PCDHGB7: variants seen among roughly 807,000 people sequenced by gnomAD.
The protein encoded by PCDHGB7 is protocadherin gamma subfamily B, 7, also known as protocadherin gamma-B7.
A neutral mutation model predicts 61.4 loss-of-function variants in PCDHGB7; 37 were observed. The observed-to-expected ratio is 0.60, with a 90% confidence interval of 0.46 to 0.79. The LOEUF (loss-of-function observed/expected upper bound fraction) is 0.79. Among genes scored for constraint, PCDHGB7 ranks in the 30% least tolerant of loss-of-function variants. The probability of loss-of-function intolerance (pLI) is 0.00; values close to 1 mark genes in which losing one functional copy is unlikely to be tolerated. For synonymous variants in PCDHGB7, 464 were observed against 503.5 expected (o/e 0.92, Z 1.05); for missense variants, 1,166 against 1,202.5 (o/e 0.97, Z 0.45).
chr5:141,457,118 A>G (rs1427146922), intron 1 of PCDHGB7, among the ~76,000 whole-genome samples: 3 of 152,228 alleles, frequency 2.0e-5, no homozygotes, highest in Non-Finnish European at 4.4e-5. Context: ...TACGACAGCA[A>G]TGGAAACTCT....
At position 141,490,124 on chromosome 5, in the gene PCDHGB7, T is replaced by C. The variant is rs1216088470; in HGVS notation, c.2416-4683T>C. On this transcript the variant is annotated intron_variant, in intron 1 of 3. Transcript: ENST00000398594. The surrounding 1 kb of genome is among the most constrained non-coding windows in gnomAD (Gnocchi z 5.4). ...GAGGCAGTGCGGAACCTCTTTGGCCTAGACCCTAGCAGTGGGGCAATCCAT... is the reference window on the plus strand; with the variant it reads ...GAGGCAGTGCGGAACCTCTTTGGCCCAGACCCTAGCAGTGGGGCAATCCAT... 6.2e-7 allele frequency: 1 copy of C among 1,614,144 alleles called. No individual in the cohort carries two copies. Among genetic ancestry groups the C allele is most frequent in the Non-Finnish European group, 8.5e-7 (1 of 1,180,054 alleles).
In PCDHGB7 at chr5:141,419,638, C is replaced by T. The variant is rs191182165; in HGVS notation, c.1779C>T (p.Ala593=). Residue 593 remains alanine, a synonymous_variant, in exon 1 of 4, where the codon GCC becomes GCT. Coordinates refer to ENST00000398594, the MANE Select transcript of PCDHGB7 (RefSeq NM_018927.4). The part of the protein sequence containing the change: ...QPGYLVTKVV[A]VDADSGHNAW... Reference sequence around the variant, plus strand: ...GCTACCTGGTGACCAAGGTGGTGGCCGTGGACGCGGACTCGGGGCACAATG... The same window carrying T: ...GCTACCTGGTGACCAAGGTGGTGGCTGTGGACGCGGACTCGGGGCACAATG... The T allele has an allele frequency of 4.9e-3, 7,979 of 1,612,456 alleles. 44 individuals are homozygous for T. Among genetic ancestry groups the T allele is most frequent in the Admixed American group, 9.5e-3 (568 of 60,000 alleles).
At chr5:141,454,557 C>T (rs191373514) in intron 1 of PCDHGB7, among the ~76,000 whole-genome samples, 8 of 152,160 alleles carry the variant, frequency 5.3e-5, no homozygotes, top group Admixed American at 5.2e-4. Flanking sequence ...CAGGCATGTG[C>T]CACCACGCCC....
At chr5:141,469,885 C>A (rs1464434089) in intron 1 of PCDHGB7, among the ~76,000 whole-genome samples, 3 of 152,204 alleles carry the variant, frequency 2.0e-5, no homozygotes, top group African/African-American at 4.8e-5. Context: ...AATCTCGGCA[C>A]TTTGGGAAGC....
At chr5:141,496,782 C>T (rs552953558) in intron 2 of PCDHGB7, among the ~76,000 whole-genome samples, 16 of 152,136 alleles carry the variant, frequency 1.1e-4, no homozygotes, top group South Asian at 2.1e-4. Context: ...TGAGCAGGGC[C>T]CTGTGCTAAA....
At chr5:141,423,238 G>A (rs765040062) in intron 1 of PCDHGB7, 3 of 1,613,778 alleles carry the variant, frequency 1.9e-6, no homozygotes, top group South Asian at 1.1e-5. Flanking sequence ...CAGCATCCCC[G>A]AAGTCCTGGC....
chr5:141,462,792 G>C (rs2099046915), intron 1 of PCDHGB7, among the ~76,000 whole-genome samples: 1 of 152,080 alleles, frequency 6.6e-6, no homozygotes, highest in Admixed American at 6.6e-5. Flanking sequence ...TTGCTTATTT[G>C]CATGTCTAAT....
chr5:141,428,561 A>G (rs879118525), intron 1 of PCDHGB7: 16 of 238,202 alleles, frequency 6.7e-5, no homozygotes, highest in South Asian at 5.9e-4. Context: ...GTCCCCCCAC[A>G]AGATCTTTCT....
At chr5:141,422,473 G>A (rs2096650443) in intron 1 of PCDHGB7, 7 of 1,613,740 alleles carry the variant, frequency 4.3e-6, no homozygotes, top group Non-Finnish European at 5.1e-6. Context: ...CAGGGAGTTG[G>A]TCCAGAGCTA....
chr5:141,509,864 A>G (rs2099878667), intron 3 of PCDHGB7, among the ~76,000 whole-genome samples: 1 of 152,262 alleles, frequency 6.6e-6, no homozygotes, highest in East Asian at 1.9e-4. Context: ...GATAAGGTCC[A>G]AGCTGCTGGT....
chr5:141,470,123 C>T (rs368463710), intron 1 of PCDHGB7, among the ~76,000 whole-genome samples: 11 of 151,234 alleles, frequency 7.3e-5, no homozygotes, highest in Admixed American at 3.3e-4. Flanking sequence ...AGCAAGACTT[C>T]GTCTCAAAAA....
chr5:141,441,565 C>T (rs1049476318), intron 1 of PCDHGB7: 62 of 200,838 alleles, frequency 3.1e-4, no homozygotes, highest in African/African-American at 1.4e-3. Context: ...CAAGTAGACA[C>T]CTCCAACCTA....
At position 141,487,666 on chromosome 5, in the gene PCDHGB7, C is replaced by T. The variant is rs2099657736; in HGVS notation, c.2416-7141C>T. 1 of 1,612,838 alleles carries T rather than the reference C, an allele frequency of 6.2e-7. No homozygotes were observed. Among genetic ancestry groups the T allele is most frequent in the South Asian group, 1.1e-5 (1 of 90,712 alleles). Reference sequence around the variant, plus strand: ...TGCTTGAGGGTTATTCTGATCCAGGCATATGGCTAGGCCATGTCCTAGAGA... The same window carrying T: ...TGCTTGAGGGTTATTCTGATCCAGGTATATGGCTAGGCCATGTCCTAGAGA... On this transcript the variant is annotated intron_variant, in intron 1 of 3. Coordinates refer to ENST00000398594, the MANE Select transcript of PCDHGB7 (RefSeq NM_018927.4). This position sits in a 1 kb window ranked among gnomAD's most constrained non-coding sequence, Gnocchi z 5.0.
chr5:141,471,843 T>C (rs1471729261), intron 1 of PCDHGB7, among the ~76,000 whole-genome samples: 2 of 152,166 alleles, frequency 1.3e-5, no homozygotes, highest in Admixed American at 6.5e-5. Context: ...TTTAATAAAA[T>C]ATTCAGAAAA....
intron 1 of PCDHGB7, among the ~76,000 whole-genome samples, chr5:141,426,006 G>C (rs1013613474): frequency 2.0e-5 from 3 of 152,104 alleles, no homozygotes; most frequent in African/African-American, 7.2e-5. Flanking sequence ...AAGGCTTCCG[G>C]CTGCAGTTTT....
At position 141,418,168 on chromosome 5, in the gene PCDHGB7, G is replaced by T. The variant is rs2096233804; in HGVS notation, c.309G>T (p.Glu103Asp). The T allele has an allele frequency of 6.2e-7, 1 of 1,613,946 alleles. No homozygotes were observed. The change falls in exon 1 of 4, where the codon GAG becomes GAT. Residue 103 changes from glutamate (E) to aspartate (D), a missense_variant. Glu to Asp is a conservative substitution (Grantham distance 45). Coordinates refer to ENST00000398594, the MANE Select transcript of PCDHGB7 (RefSeq NM_018927.4). Reference sequence around the variant, plus strand: ...TATGCAAAGAGAGAAGAAGATGTGAGTTGCAATTGGAAGCTGTGGTGGAAA... The same window carrying T: ...TATGCAAAGAGAGAAGAAGATGTGATTTGCAATTGGAAGCTGTGGTGGAAA... ...EQICKERRRC[E>D]LQLEAVVENP...
rs753954982 is a variant in PCDHGB7 at position 141,478,158 on chromosome 5, C to A, written c.2416-16649C>A. 9 of 1,613,936 alleles carry A rather than the reference C, an allele frequency of 5.6e-6. No individual in the cohort carries two copies. In the African/African-American group the frequency reaches 1.2e-4, roughly 22 times the overall value. On this transcript the variant is annotated intron_variant, in intron 1 of 3. Transcript: ENST00000398594. ...GCCCGAGCCGAGTTCCCCTCTGGCT[C>A]TGCCCCCCGGGAGCAGAAAAAAAAT...
At chr5:141,447,520 T>C (rs1156521785) in intron 1 of PCDHGB7, among the ~76,000 whole-genome samples, 1 of 152,202 alleles carries the variant, frequency 6.6e-6, no homozygotes, top group Non-Finnish European at 1.5e-5. Context: ...ATAACAATCA[T>C]AACAAAATTG....
intron 1 of PCDHGB7, among the ~76,000 whole-genome samples, chr5:141,451,090 A>G (rs2098706546): frequency 6.6e-6 from 1 of 151,864 alleles, no homozygotes; most frequent in Non-Finnish European, 1.5e-5. Context: ...GACCTCCCAA[A>G]GTGTTGGGAT....
Sources: allele counts gnomAD v4.1 joint callset (sites outside exome capture counted in the v4.1 genomes callset), GRCh38; gene constraint gnomAD v4.1.1; non-coding constraint Gnocchi (gnomAD v3.1); transcripts MANE v1.5; gene names NCBI Gene and HGNC (gene_info 2026-07-23, HGNC 2026-07-21).